The following PLEKHA4 variants were observed in gnomAD, a reference collection of about 807,000 sequenced individuals.
The protein encoded by PLEKHA4 is pleckstrin homology domain-containing family A member 4.
Under a neutral mutation model 94.7 loss-of-function variants are expected in PLEKHA4, and 73 were observed. That is an observed-to-expected ratio of 0.77 (90% CI 0.64 to 0.94). PLEKHA4 has a LOEUF of 0.94. Among genes scored for constraint, PLEKHA4 ranks in the 40% least tolerant of loss-of-function variants. The probability of loss-of-function intolerance (pLI) is 0.00; values close to 1 mark genes in which losing one functional copy is unlikely to be tolerated. For missense variants in PLEKHA4, 1,049 were observed against 1,054.1 expected (o/e 1.00, Z 0.07); for synonymous variants, 449 against 437.1 (o/e 1.03, Z -0.34).
chr19:48,856,898 CA>C (rs1315657736), intron 9 of PLEKHA4, among the ~76,000 whole-genome samples: 172 of 35,628 alleles, frequency 4.8e-3, no homozygotes, highest in East Asian at 0.013. Context: ...GACCCCGTCT[CA>C]AAAAAAAAAA....
Position 48,837,461 on chromosome 19 carries a change from G to C in PLEKHA4, c.2168C>G (p.Ser723Cys). Residue 723 changes from serine to cysteine, a missense_variant, in exon 20 of 20, where the codon TCT becomes TGT. By Grantham distance (112) the Ser-to-Cys change is moderately radical (BLOSUM62 -1). Coordinates refer to ENST00000263265, the MANE Select transcript of PLEKHA4 (RefSeq NM_020904.3). The surrounding 1 kb of genome is among the most constrained non-coding windows in gnomAD (Gnocchi z 4.3). ...GGAACCCGAATTAGCCACCGGGGGA[G>C]ATCTGGGGGGAGGGGTCTCCTGGCG... ...PTRQETPPPR[S>C]PPVANSGSTG... The C allele has an allele frequency of 6.2e-7, 1 of 1,613,324 alleles. No individual in the cohort carries two copies. Among genetic ancestry groups the C allele is most frequent in the African/African-American group, 1.3e-5 (1 of 75,026 alleles).
chr19:48,840,715 A>G (rs1314751582), intron 17 of PLEKHA4, among the ~76,000 whole-genome samples: 1 of 152,110 alleles, frequency 6.6e-6, no homozygotes, highest in Admixed American at 6.5e-5. Flanking sequence ...GTGAGCCACC[A>G]TGCCCGGCCG....
intron 12 of PLEKHA4, among the ~76,000 whole-genome samples, chr19:48,852,878 A>T (rs372850198): frequency 6.6e-6 from 1 of 151,898 alleles, no homozygotes; most frequent in East Asian, 1.9e-4. Flanking sequence ...AGTTGCAGTG[A>T]GCCTGGATCC....
rs2035592752 is a variant in PLEKHA4 at position 48,837,763 on chromosome 19, T to C, written c.2078-212A>G. ...AGATCCAGGAGTCTGGATACGCCAG[T>C]CCAGTCCTCTTTGAGACTCAGTTGT... On this transcript the variant is annotated intron_variant, in intron 19 of 19. Coordinates refer to ENST00000263265, the MANE Select transcript of PLEKHA4 (RefSeq NM_020904.3). The surrounding 1 kb of genome is among the most constrained non-coding windows in gnomAD (Gnocchi z 4.3). Among the ~76,000 whole-genome samples the C allele has an allele frequency of 6.8e-6, 1 of 147,496 alleles. No homozygotes were observed. Among genetic ancestry groups the C allele is most frequent in the African/African-American group, 2.5e-5 (1 of 39,282 alleles).
intron 16 of PLEKHA4, among the ~76,000 whole-genome samples, chr19:48,842,006 C>T (rs2035786047): frequency 6.6e-6 from 1 of 152,154 alleles, no homozygotes; most frequent in Non-Finnish European, 1.5e-5. Context: ...TTAAACATCC[C>T]AGTGAGATAG....
intron 13 of PLEKHA4, among the ~76,000 whole-genome samples, chr19:48,850,967 C>A (rs950747363): frequency 6.6e-6 from 1 of 151,482 alleles, no homozygotes; most frequent in African/African-American, 2.4e-5. Context: ...TGGTGAAACC[C>A]CCCTCTCTAC....
rs199722816 is a variant in PLEKHA4 at position 48,867,558 on chromosome 19, C to T, written c.63G>A (p.Ser21=). 1.0e-5 allele frequency: 16 copies of T among 1,600,968 alleles called. No homozygotes were observed. In the African/African-American group the frequency reaches 1.7e-4, roughly 17 times the overall value. ...AAACCTTGGGGCTCAGGCTGCTGAG[C>T]GAGGAGATGGTGGAGGCGCTGCTGG... is the stretch of plus-strand genomic sequence containing the variant. ...SLASSASTIS[S]LSSLSPKKPT... is the part of the protein sequence containing the mutation. The change falls in exon 2 of 20, where the codon TCG becomes TCA. Residue 21 remains serine (S), a synonymous_variant. Transcript: ENST00000263265. This position sits in a 1 kb window ranked among gnomAD's most constrained non-coding sequence, Gnocchi z 4.7.
chr19:48,867,592 A>C lies in PLEKHA4; in HGVS notation c.29T>G (p.Leu10Arg). 1 of 1,601,404 alleles carries C rather than the reference A, an allele frequency of 6.2e-7. No homozygotes were observed. Among genetic ancestry groups the C allele is most frequent in the East Asian group, 2.2e-5 (1 of 44,482 alleles). The change falls in exon 2 of 20, where the codon CTG (leucine) becomes CGG (arginine). Residue 10 changes from leucine (L) to arginine (R), a missense_variant. Coordinates refer to ENST00000263265, the MANE Select transcript of PLEKHA4 (RefSeq NM_020904.3). This position sits in a 1 kb window ranked among gnomAD's most constrained non-coding sequence, Gnocchi z 4.7. Reference sequence around the variant, plus strand: ...GGTGGAGGCGCTGCTGGCCAGGCTCAGGCTGCTGCGAGGTCGGCTCCCCTC... The same window carrying C: ...GGTGGAGGCGCTGCTGGCCAGGCTCCGGCTGCTGCGAGGTCGGCTCCCCTC... MEGSRPRSSLSLASSASTIS... is the reference protein window; with the variant it reads MEGSRPRSSRSLASSASTIS...
At position 48,845,901 on chromosome 19, in the gene PLEKHA4, C is replaced by T. The variant is rs529055862; in HGVS notation, c.1567-285G>A. Reference sequence around the variant, plus strand: ...TGGCAGGCGCCTGTAATCCCAGCTACTTAGGAGGCTGAGGCAGAAGAATCG... The same window carrying T: ...TGGCAGGCGCCTGTAATCCCAGCTATTTAGGAGGCTGAGGCAGAAGAATCG... On this transcript the variant is annotated intron_variant, in intron 14 of 19. Coordinates refer to ENST00000263265, the MANE Select transcript of PLEKHA4 (RefSeq NM_020904.3). 3.3e-5 allele frequency among the ~76,000 whole-genome samples: 5 copies of T among 149,276 alleles called. No individual in the cohort carries two copies. In the East Asian group the frequency reaches 1.0e-3, roughly 30 times the overall value.
chr19:48,857,271 G>C, intron 9 of PLEKHA4, 151 bp downstream of exon 9: 1 of 538,908 alleles, frequency 1.9e-6, no homozygotes, highest in East Asian at 3.4e-5. Flanking sequence ...CATGCGCTTT[G>C]TTACAGCCAC....
rs35416059 is a variant in PLEKHA4 at position 48,853,502 on chromosome 19, CAA to C, written c.1326+178_1326+179del. On this transcript the variant is annotated intron_variant, in intron 12 of 19. Coordinates refer to ENST00000263265, the MANE Select transcript of PLEKHA4 (RefSeq NM_020904.3). ...CGACAGAGCAAGACTCTGTCCCCCC[CAA>C]AAAAAAAAAAATTAGAGTGGTTACA... Among the ~76,000 whole-genome samples the C allele has an allele frequency of 1.9e-3, 252 of 135,266 alleles. 4 individuals are homozygous for C. The highest frequency in any genetic ancestry group is 3.8e-3 in the Middle Eastern group (1 of 266). 88.7% of individuals were successfully genotyped at this position (135,266 alleles called of 152,430 possible). A position where few individuals can be genotyped will look rare whatever the true frequency, so the allele number is the denominator to read the frequency against.
intron 14 of PLEKHA4, among the ~76,000 whole-genome samples, chr19:48,846,264 G>A (rs1436976973): frequency 1.3e-5 from 2 of 150,892 alleles, no homozygotes; most frequent in South Asian, 2.1e-4. Context: ...TGGCTAAAAC[G>A]GTGAAACCCC....
intron 6 of PLEKHA4, 190 bp from the exon 7 acceptor site, chr19:48,859,874 G>A: frequency 3.2e-6 from 2 of 631,154 alleles, no homozygotes; most frequent in South Asian, 3.9e-5. Context: ...AGGCCACAAC[G>A]TCTATCCAGG....
chr19:48,837,926 C>T lies in PLEKHA4; in HGVS notation c.2077+91G>A. 2.7e-6 allele frequency: 3 copies of T among 1,092,582 alleles called. No individual in the cohort carries two copies. The East Asian group carries it at 7.2e-5, about 26-fold the overall frequency. The allele number at this position is 1,092,582 out of a possible 1,614,324, so 67.7% of individuals were successfully genotyped here. On this transcript the variant is annotated intron_variant, in intron 19 of 19. Transcript: ENST00000263265. This position sits in a 1 kb window ranked among gnomAD's most constrained non-coding sequence, Gnocchi z 4.3. ...ACCAAGATAAAAAATTCTCACCGGC[C>T]CCCAGACCCCTCCTCTCCAGGACCT...
At chr19:48,848,886 A>C (rs888423913) in intron 13 of PLEKHA4, among the ~76,000 whole-genome samples, 3 of 152,080 alleles carry the variant, frequency 2.0e-5, no homozygotes, top group African/African-American at 7.2e-5. Flanking sequence ...GACCATACGA[A>C]TATGAGAGTC....
At position 48,839,260 on chromosome 19, in the gene PLEKHA4, C is replaced by T. The variant is rs1362814909; in HGVS notation, c.1909G>A (p.Val637Ile). The T allele has an allele frequency of 1.9e-6, 3 of 1,586,132 alleles. No individual in the cohort carries two copies. Among genetic ancestry groups the T allele is most frequent in the Non-Finnish European group, 2.6e-6 (3 of 1,162,036 alleles). Residue 637 changes from valine (V) to isoleucine (I), a missense_variant, in exon 18 of 20, where the codon GTC (valine) becomes ATC (isoleucine). By Grantham distance (29) the Val-to-Ile change is conservative (BLOSUM62 3). Coordinates refer to ENST00000263265, the MANE Select transcript of PLEKHA4 (RefSeq NM_020904.3). ...TTCTGGGCTCCCGAGTGTCCTACGA[C>T]AGGCTGGAAAGGAATTGGGGCATTA... is the stretch of plus-strand genomic sequence containing the variant. The part of the protein sequence containing the change: ...RRQPDVEQRP[V>I]VGHSGAQKWL...
chr19:48,853,531 G>T, intron 12 of PLEKHA4, 151 bp downstream of exon 12: 2 of 835,746 alleles, frequency 2.4e-6, no homozygotes, highest in Non-Finnish European at 3.3e-6. Flanking sequence ...GTGGTTACAA[G>T]ACAATGAGGA....
chr19:48,852,194 G>C, intron 13 of PLEKHA4, 34 bp downstream of exon 13: 1 of 1,511,364 alleles, frequency 6.6e-7, no homozygotes, highest in South Asian at 1.1e-5. Flanking sequence ...TTGGAGTTGG[G>C]GGTGGGTCTT....
At chr19:48,856,610 C>T (rs1159611501) in intron 9 of PLEKHA4, among the ~76,000 whole-genome samples, 8 of 151,944 alleles carry the variant, frequency 5.3e-5, no homozygotes, top group Non-Finnish European at 2.9e-5. Context: ...CCCAGCTATT[C>T]AGGAGGTTGA....
Sources: gnomAD v4.1 joint callset for allele counts (sites outside exome capture counted in the v4.1 genomes callset) on GRCh38, gnomAD v4.1.1 for gene constraint, Gnocchi (gnomAD v3.1) non-coding constraint, MANE v1.5 for transcripts, NCBI Gene and HGNC (gene_info 2026-07-23, HGNC 2026-07-21) for gene names.